Variants in CNKSR1 observed in about 807,000 individuals in gnomAD.
CNKSR1 encodes the protein connector enhancer of kinase suppressor of Ras 1.
CNKSR1 carries 88 observed loss-of-function variants against 95.6 expected under a neutral mutation model. The ratio of observed to expected loss-of-function variants is 0.92; its 90% CI spans 0.78 to 1.10. The LOEUF (loss-of-function observed/expected upper bound fraction) is 1.10, where lower values mean the gene tolerates loss of function less well. CNKSR1 is among the 50% of genes least tolerant of loss of function. The probability of loss-of-function intolerance (pLI) is 0.00; values close to 1 mark genes in which losing one functional copy is unlikely to be tolerated. For missense variants in CNKSR1, 836 were observed against 912.0 expected, an observed-to-expected ratio of 0.92 and a Z score of 1.07; for synonymous variants, 355 against 369.7, an observed-to-expected ratio of 0.96 and a Z score of 0.46.
At chr1:26,183,953 C>T (rs761898248) in intron 9 of CNKSR1, 118 bp from the exon 10 acceptor site, 3 of 557,500 alleles carry the variant, frequency 5.4e-6, no homozygotes, top group South Asian at 1.8e-5. Flanking sequence ...GCTGCGCCCC[C>T]CTAGCTCCCT....
intron 14 of CNKSR1, chr1:26,186,911 CCTCT>C: frequency 6.3e-6 from 3 of 477,690 alleles, no homozygotes. Flanking sequence ...CCTTCAGGCT[CCTCT>C]TTTTTTTTTT....
At chr1:26,182,943 T>C (rs1026808035) in intron 6 of CNKSR1, among the ~76,000 whole-genome samples, 1 of 152,014 alleles carries the variant, frequency 6.6e-6, no homozygotes, top group African/African-American at 2.4e-5. Context: ...GCTTGTCCCT[T>C]TAGGAATGTT....
Position 26,187,421 on chromosome 1 carries a change from C to T in CNKSR1, c.1393C>T (p.Leu465Phe), listed in dbSNP as rs1297930726. The part of the protein sequence containing the change: ...HDQKKKYVFQ[L>F]THDVYKPFIF... ...TCCACTACCTGGCAGTGTGTTTCAG[C>T]TCACCCATGATGTGTACAAACCCTT... Residue 465 changes from leucine (L) to phenylalanine (F), a missense_variant, in exon 16 of 21, where the codon CTC (leucine) becomes TTC (phenylalanine). Coordinates refer to ENST00000361530, the MANE Select transcript of CNKSR1 (RefSeq NM_006314.3). 6 of 1,614,046 alleles carry T rather than the reference C, an allele frequency of 3.7e-6. No individual in the cohort carries two copies. Among genetic ancestry groups the T allele is most frequent in the Admixed American group, 3.3e-5 (2 of 60,016 alleles).
In CNKSR1 at chr1:26,188,509, T is replaced by C. The variant is rs2088797267; in HGVS notation, c.1590+6T>C. ...CTGGGTCCCACTCAGCCTCGGTGAG[T>C]GGGGGGCTGCCGGGGGTAGGAGGTG... On this transcript the variant is annotated splice_donor_region_variant and intron_variant, in intron 18 of 20. Transcript: ENST00000361530. The C allele has an allele frequency of 6.2e-7, 1 of 1,601,392 alleles. No homozygotes were observed. Among genetic ancestry groups the C allele is most frequent in the African/African-American group, 1.3e-5 (1 of 74,532 alleles).
chr1:26,188,123 C>A, intron 16 of CNKSR1, 111 bp from the exon 17 acceptor site: 3 of 903,914 alleles, frequency 3.3e-6, no homozygotes, highest in Non-Finnish European at 5.4e-6. Flanking sequence ...GAGTTCATCC[C>A]TCTCAGAGTT....
chr1:26,188,761 C>G lies in CNKSR1; in HGVS notation c.1691-11C>G. ...GTGGGCACATCCTCATCCTGCTCTTCCCTCCCACAGACAGCAGTGAAGAGG... is the reference window on the plus strand; with the variant it reads ...GTGGGCACATCCTCATCCTGCTCTTGCCTCCCACAGACAGCAGTGAAGAGG... On this transcript the variant is annotated splice_polypyrimidine_tract_variant and intron_variant, in intron 19 of 20. Transcript: ENST00000361530. 7 of 1,609,764 alleles carry G rather than the reference C, an allele frequency of 4.3e-6. No homozygotes were observed. The highest frequency in any genetic ancestry group is 5.9e-6 in the Non-Finnish European group (7 of 1,177,026).
At chr1:26,189,256 C>G in intron 20 of CNKSR1, 23 bp from the exon 21 acceptor site, 17 of 1,613,796 alleles carry the variant, frequency 1.1e-5, no homozygotes, top group Non-Finnish European at 1.4e-5. Flanking sequence ...ATCATGGTCC[C>G]TTAGCCCCTC....
In CNKSR1 at chr1:26,184,151, T is replaced by A. The variant is rs751006186; in HGVS notation, c.926+10T>A. The A allele has an allele frequency of 6.2e-7, 1 of 1,612,378 alleles. No homozygotes were observed. The highest frequency in any genetic ancestry group is 8.5e-7 in the Non-Finnish European group (1 of 1,179,528). ...CCCCACTGTCTCCCAGGTAACAGGC[T>A]CTGTCCAGGTGTGTCTTGGTGGGGA... On this transcript the variant is annotated intron_variant, in intron 10 of 20. Transcript: ENST00000361530.
chr1:26,178,763 A>G (rs1197841137), intron 1 of CNKSR1, among the ~76,000 whole-genome samples: 1 of 152,242 alleles, frequency 6.6e-6, no homozygotes, highest in African/African-American at 2.4e-5. Context: ...AAAGTGAGAC[A>G]ATCATGACAT....
intron 14 of CNKSR1, chr1:26,186,772 C>A: frequency 3.7e-6 from 1 of 266,872 alleles, no homozygotes; most frequent in Non-Finnish European, 7.3e-6. Context: ...CCACACCCGA[C>A]CTAAGTTTTT....
At chr1:26,188,041 G>A (rs977432736) in intron 16 of CNKSR1, among the ~76,000 whole-genome samples, 193 bp from the exon 17 acceptor site, 3 of 152,000 alleles carry the variant, frequency 2.0e-5, no homozygotes, top group South Asian at 2.1e-4. Flanking sequence ...GGTGACAGAC[G>A]CGAGCCACCG....
chr1:26,185,026 G>A lies in CNKSR1; in HGVS notation c.1148G>A (p.Arg383Gln), dbSNP rs376124859. Residue 383 changes from arginine (R) to glutamine (Q), a missense_variant, in exon 14 of 21, where the codon CGG (arginine) becomes CAG (glutamine). Coordinates refer to ENST00000361530, the MANE Select transcript of CNKSR1 (RefSeq NM_006314.3). ...TGTGCTGCTACAGGCCTGGCGACCC[G>A]GCTGAGCCGCCGGCGGGTGTCATGC... Reference protein sequence around the residue: ...GRKKSKGLATRLSRRRVSCRE... With the variant: ...GRKKSKGLATQLSRRRVSCRE... 1.0e-5 allele frequency: 16 copies of A among 1,598,940 alleles called. No individual in the cohort carries two copies. The highest frequency in any genetic ancestry group is 2.7e-5 in the African/African-American group (2 of 74,802).
chr1:26,185,585 G>T (rs1051303461), intron 14 of CNKSR1, among the ~76,000 whole-genome samples: 2 of 151,860 alleles, frequency 1.3e-5, no homozygotes, highest in African/African-American at 4.8e-5. Flanking sequence ...GTAGAGACAG[G>T]GTTTCACCGT....
At position 26,188,226 on chromosome 1, in the gene CNKSR1, C is replaced by T; in HGVS notation, c.1455-8C>T. On this transcript the variant is annotated splice_polypyrimidine_tract_variant and splice_region_variant and intron_variant, in intron 16 of 20. Coordinates refer to ENST00000361530, the MANE Select transcript of CNKSR1 (RefSeq NM_006314.3). ...GGAAACCCTGTGAGACCTGCTTGCT[C>T]TCCATAGGTGGGTGCGTCATCTCAT... 2 of 1,613,976 alleles carry T rather than the reference C, an allele frequency of 1.2e-6. No homozygotes were observed. The highest frequency in any genetic ancestry group is 1.7e-6 in the Non-Finnish European group (2 of 1,179,872).
Position 26,189,439 on chromosome 1 carries a change from C to T in CNKSR1, c.2033C>T (p.Thr678Ile). Residue 678 changes from threonine (T) to isoleucine (I), a missense_variant, in exon 21 of 21, where the codon ACC becomes ATC. Coordinates refer to ENST00000361530, the MANE Select transcript of CNKSR1 (RefSeq NM_006314.3). ...AQAEGSSHILTSDSTEQSPHS... is the reference protein window; with the variant it reads ...AQAEGSSHILISDSTEQSPHS... ...GCTGAAGGCAGCTCCCACATCTTGA[C>T]CTCTGACTCCACAGAACAGTCCCCC... 1 of 1,614,096 alleles carries T rather than the reference C, an allele frequency of 6.2e-7. No homozygotes were observed. Among genetic ancestry groups the T allele is most frequent in the Non-Finnish European group, 8.5e-7 (1 of 1,179,984 alleles).
Position 26,189,725 on chromosome 1 carries a change from G to A in CNKSR1, c.*177G>A. The A allele has an allele frequency of 2.8e-6, 2 of 712,458 alleles. No homozygotes were observed. The highest frequency in any genetic ancestry group is 3.9e-5 in the Admixed American group (2 of 50,692). 44.1% of individuals were successfully genotyped at this position (712,458 alleles called of 1,614,324 possible). ...TGGGCTTTGTGCCACCCTCTCCCTT[G>A]CCAAAGAAGAAACTCTCCCCCCAAA... On this transcript the variant is annotated 3_prime_UTR_variant, in exon 21 of 21. Coordinates refer to ENST00000361530, the MANE Select transcript of CNKSR1 (RefSeq NM_006314.3).
chr1:26,181,993 C>G (rs1237050521), intron 4 of CNKSR1, 52 bp downstream of exon 4: 1 of 1,520,936 alleles, frequency 6.6e-7, no homozygotes, highest in Non-Finnish European at 9.1e-7. Flanking sequence ...CCAAGCTGGG[C>G]TAGAGCTTTT....
chr1:26,187,948 T>C (rs1315467230), intron 16 of CNKSR1, among the ~76,000 whole-genome samples: 1 of 151,652 alleles, frequency 6.6e-6, no homozygotes, highest in African/African-American at 2.4e-5. Flanking sequence ...TTAAAAAGTT[T>C]TGTGGGGAGA....
At chr1:26,182,223 C>A in intron 4 of CNKSR1, 138 bp from the exon 5 acceptor site, 1 of 887,448 alleles carries the variant, frequency 1.1e-6, no homozygotes, top group Non-Finnish European at 1.8e-6. Context: ...AACGCTGAGG[C>A]CCTGTGGTTC....
Sources: allele counts gnomAD v4.1 joint callset (sites outside exome capture counted in the v4.1 genomes callset), GRCh38; gene constraint gnomAD v4.1.1; transcripts MANE v1.5; gene names NCBI Gene and HGNC (gene_info 2026-07-23, HGNC 2026-07-21).